Variants in CPAMD8 observed in about 807,000 individuals in gnomAD.
CPAMD8 encodes the protein C3 and PZP like alpha-2-macroglobulin domain containing 8.
A neutral mutation model predicts 224.7 loss-of-function variants in CPAMD8; 146 were observed. The observed-to-expected ratio is 0.65, with a 90% CI of 0.57 to 0.75. The LOEUF is 0.75. Ranked by LOEUF, CPAMD8 falls within the 30% of genes least tolerant of loss-of-function variation. The pLI is 0.00. For synonymous variants in CPAMD8, 966 were observed against 1,044.6 expected (o/e 0.92, Z 1.45); for missense variants, 2,301 against 2,537.5 (o/e 0.91, Z 2.00).
At chr19:17,020,667 T>C (rs998021551) in intron 2 of CPAMD8, among the ~76,000 whole-genome samples, 2 of 152,054 alleles carry the variant, frequency 1.3e-5, no homozygotes, top group Admixed American at 1.3e-4. Context: ...AGGGGAGTAA[T>C]GGGAAAACAC....
At chr19:17,017,460 G>T (rs1189407666) in intron 3 of CPAMD8, among the ~76,000 whole-genome samples, 4 of 152,168 alleles carry the variant, frequency 2.6e-5, no homozygotes, top group Non-Finnish European at 5.9e-5. Context: ...TGCCAAAAAG[G>T]TTGGGGACTG....
At chr19:16,939,898 T>TG (rs1168886074) in intron 22 of CPAMD8, among the ~76,000 whole-genome samples, 1 of 151,738 alleles carries the variant, frequency 6.6e-6, no homozygotes, top group African/African-American at 2.4e-5. Context: ...GTTGTTGTTT[T>TG]GGGTTTTTTT....
Position 16,989,641 on chromosome 19 carries a change from A to G in CPAMD8, c.1395+2T>C. ...AGGAAGGGTAGCTCCTGAAAATCTT[A>G]CCTGCAGTGGGTGGGAGGGTGGCTG... On this transcript the variant is annotated splice_donor_variant, in intron 13 of 41. Transcript: ENST00000443236. LOFTEE classifies it high-confidence loss of function. The G allele has an allele frequency of 6.2e-7, 1 of 1,613,030 alleles. No homozygotes were observed. The highest frequency in any genetic ancestry group is 8.5e-7 in the Non-Finnish European group (1 of 1,179,406).
In CPAMD8 at chr19:16,976,145, C is replaced by T. The variant is rs777191360; in HGVS notation, c.1765G>A (p.Val589Met). 29 of 1,610,214 alleles carry T rather than the reference C, an allele frequency of 1.8e-5. No homozygotes were observed. The highest frequency in any genetic ancestry group is 1.3e-4 in the African/African-American group (10 of 74,800). The stretch of plus-strand genomic sequence containing the variant: ...TGGGTCTCATTTGCTGAATACGTCA[C>T]TGAAACCTTGGCGCAAATGCAGCAA... ...VETFFENQVS[V>M]TYSANETQPG... The change falls in exon 16 of 42, where the codon GTG becomes ATG. Residue 589 changes from valine (V) to methionine (M), a missense_variant. This residue lies in a region of CPAMD8 where 301 missense variants were observed against 406.6 expected (regional missense o/e 0.74). Transcript: ENST00000443236.
intron 9 of CPAMD8, among the ~76,000 whole-genome samples, chr19:17,001,793 G>A (rs1568585784): frequency 1.3e-5 from 2 of 151,744 alleles, no homozygotes; most frequent in African/African-American, 4.8e-5. Flanking sequence ...AGATGGAAGG[G>A]GAGGGCAGAG....
intron 26 of CPAMD8, 73 bp from the exon 27 acceptor site, chr19:16,922,059 A>C (rs2053196431): frequency 2.0e-6 from 2 of 1,006,142 alleles, no homozygotes; most frequent in Non-Finnish European, 3.0e-6. Flanking sequence ...GACCTACACC[A>C]CTCTGCCGTC....
At chr19:16,896,752 G>T in intron 39 of CPAMD8, 87 bp from the exon 40 acceptor site, 1 of 999,966 alleles carries the variant, frequency 1.0e-6, no homozygotes, top group Non-Finnish European at 1.3e-6. Flanking sequence ...AGATGTCCCT[G>T]GGTCCCGGGC....
intron 18 of CPAMD8, among the ~76,000 whole-genome samples, chr19:16,962,640 T>C (rs1459200430): frequency 4.6e-5 from 7 of 152,174 alleles, no homozygotes; most frequent in African/African-American, 1.7e-4. Context: ...CCAGGAGAAC[T>C]TCCCCAACCT....
Position 16,977,449 on chromosome 19 carries a change from C to G in CPAMD8, c.1677G>C (p.Leu559=). 6.2e-7 allele frequency: 1 copy of G among 1,612,202 alleles called. No individual in the cohort carries two copies. The highest frequency in any genetic ancestry group is 8.5e-7 in the Non-Finnish European group (1 of 1,178,762). Residue 559 remains leucine, a synonymous_variant, in exon 15 of 42, where the codon CTG becomes CTC. Transcript: ENST00000443236. ...VTPSMVPLGR[L]LVFYVRENGE... The stretch of plus-strand genomic sequence containing the variant: ...CATTCTCCCTGACGTAGAAGACCAG[C>G]AGGCGACCAAGGGGGACCATGCTGG...
At chr19:16,901,017 CA>C (rs947508001) in intron 36 of CPAMD8, among the ~76,000 whole-genome samples, 192 bp downstream of exon 36, 7 of 51,422 alleles carry the variant, frequency 1.4e-4, no homozygotes, top group Admixed American at 6.2e-4. Context: ...AAGACTATGT[CA>C]AAAAAAAGAA....
intron 13 of CPAMD8, among the ~76,000 whole-genome samples, chr19:16,982,282 A>C (rs1177423396): frequency 6.6e-6 from 1 of 151,694 alleles, no homozygotes; most frequent in Non-Finnish European, 1.5e-5. Flanking sequence ...GGTCTCAGCT[A>C]CTCGGGAAGC....
At chr19:16,942,020 T>C (rs1568503750) in intron 22 of CPAMD8, among the ~76,000 whole-genome samples, 1 of 151,654 alleles carries the variant, frequency 6.6e-6, no homozygotes. Flanking sequence ...CACCTCCCCT[T>C]CCCTCCTCCT....
Position 16,947,203 on chromosome 19 carries a change from T to C in CPAMD8, c.2533A>G (p.Lys845Glu), listed in dbSNP as rs1430136722. ...GGATGCCCAACAAACTGGATGCCCT[T>C]GGGAACCGAGAGCTTCATGTACACC... ...AEVYMKLSVP[K>E]GIQFVGHPGK... Residue 845 changes from lysine to glutamate, a missense_variant, in exon 21 of 42, where the codon AAG (lysine) becomes GAG (glutamate). Coordinates refer to ENST00000443236, the MANE Select transcript of CPAMD8 (RefSeq NM_015692.5). 4 of 1,613,424 alleles carry C rather than the reference T, an allele frequency of 2.5e-6. No homozygotes were observed. The highest frequency in any genetic ancestry group is 1.7e-5 in the Admixed American group (1 of 59,938).
At chr19:16,962,057 G>C (rs979444862) in intron 18 of CPAMD8, among the ~76,000 whole-genome samples, 6 of 152,152 alleles carry the variant, frequency 3.9e-5, no homozygotes, top group Non-Finnish European at 5.9e-5. Flanking sequence ...AAAGACCAAA[G>C]GTAGATAAAA....
intron 23 of CPAMD8, among the ~76,000 whole-genome samples, chr19:16,929,891 A>C (rs1368792351): frequency 6.6e-6 from 1 of 152,152 alleles, no homozygotes; most frequent in African/African-American, 2.4e-5. Flanking sequence ...TACAGATTCA[A>C]AGCAATCCCA....
At chr19:16,995,976 C>T (rs1012777098) in intron 11 of CPAMD8, among the ~76,000 whole-genome samples, 3 of 151,974 alleles carry the variant, frequency 2.0e-5, no homozygotes, top group African/African-American at 7.3e-5. Context: ...GTGGTGAAAC[C>T]CCGTCTCTAC....
At chr19:16,988,414 C>G (rs2055820798) in intron 13 of CPAMD8, among the ~76,000 whole-genome samples, 1 of 152,120 alleles carries the variant, frequency 6.6e-6, no homozygotes, top group Non-Finnish European at 1.5e-5. Context: ...AGTTCAAGAC[C>G]AGCCTGGCCA....
Position 16,897,482 on chromosome 19 carries a change from C to T in CPAMD8, c.5065+209G>A. 5.3e-6 allele frequency: 3 copies of T among 563,656 alleles called. No individual in the cohort carries two copies. In the East Asian group the frequency reaches 9.4e-5, roughly 18 times the overall value. The allele number at this position is 563,656 out of a possible 1,614,324, so 34.9% of individuals were successfully genotyped here. On this transcript the variant is annotated intron_variant, in intron 39 of 41. Coordinates refer to ENST00000443236, the MANE Select transcript of CPAMD8 (RefSeq NM_015692.5). ...ACTTCCCTTCCGCACTTACCACTCC[C>T]CCAGCCACGCCCCTCCCCGCTGACC...
chr19:17,014,043 C>CTCTCTCTCTT (rs773922267), intron 3 of CPAMD8, among the ~76,000 whole-genome samples: 24,911 of 137,614 alleles, frequency 0.18, 2,838 homozygotes, highest in South Asian at 0.38. Context: ...TTCTTTCTTT[C>CTCTCTCTCTT]TCTTTCTCTT....
Sources: gnomAD v4.1 joint callset for allele counts (sites outside exome capture counted in the v4.1 genomes callset) on GRCh38, gnomAD v4.1.1 for gene constraint, gnomAD v4.1.1 regional missense constraint, MANE v1.5 for transcripts, NCBI Gene and HGNC (gene_info 2026-07-23, HGNC 2026-07-21) for gene names.